The following CCSER1 variants were observed in gnomAD, a reference collection of about 807,000 sequenced individuals.
CCSER1 encodes coiled-coil serine rich protein 1.
A neutral mutation model predicts 82.0 loss-of-function variants in CCSER1; 41 were observed. The observed-to-expected ratio is 0.50, with a 90% confidence interval of 0.39 to 0.65. The LOEUF (loss-of-function observed/expected upper bound fraction) is 0.65. Ranked by LOEUF, CCSER1 falls within the 30% of genes least tolerant of loss-of-function variation. The pLI, the probability that CCSER1 is intolerant of heterozygous loss-of-function variation, is 0.00. For synonymous variants in CCSER1, 414 were observed against 383.9 expected, an observed-to-expected ratio of 1.08 and a Z score of -0.92; for missense variants, 1,119 against 1,064.2, an observed-to-expected ratio of 1.05 and a Z score of -0.72.
chr4:91,089,330 T>G (rs181153277), intron 10 of CCSER1, among the ~76,000 whole-genome samples: 1 of 152,336 alleles, frequency 6.6e-6, no homozygotes, highest in African/African-American at 2.4e-5. Flanking sequence ...GAATTTTAAC[T>G]ATCAGGCTAA....
chr4:90,803,304 C>T (rs761527637), intron 7 of CCSER1, among the ~76,000 whole-genome samples: 15 of 152,080 alleles, frequency 9.9e-5, no homozygotes, highest in Non-Finnish European at 2.1e-4. Context: ...CAGTGGTTTG[C>T]TGCACCCATC....
chr4:90,231,124 AG>A (rs967904053), intron 1 of CCSER1, among the ~76,000 whole-genome samples: 21 of 152,252 alleles, frequency 1.4e-4, no homozygotes, highest in African/African-American at 5.1e-4. Flanking sequence ...TCATTTTATG[AG>A]GCCAGCATCA....
chr4:90,565,300 T>A (rs1466003291), intron 5 of CCSER1, among the ~76,000 whole-genome samples: 1 of 120,592 alleles, frequency 8.3e-6, no homozygotes, highest in East Asian at 2.5e-4. Flanking sequence ...TGTTTTCTTA[T>A]TTTCAGATAT....
Position 91,043,297 on chromosome 4 carries a change from A to G in CCSER1, c.2173-42653A>G, listed in dbSNP as rs997248216. Among the ~76,000 whole-genome samples, 19 of 152,208 alleles carry G rather than the reference A, an allele frequency of 1.2e-4. No individual in the cohort carries two copies. In the South Asian group the frequency reaches 3.5e-3, roughly 28 times the overall value. On this transcript the variant is annotated intron_variant, in intron 9 of 10. Coordinates refer to ENST00000509176, the MANE Select transcript of CCSER1 (RefSeq NM_001145065.2). Reference sequence around the variant, plus strand: ...TTAAAAATCAATAATAAAACTCCCCAAATTATTCTTTAGAAGGTTGAAAGT... The same window carrying G: ...TTAAAAATCAATAATAAAACTCCCCGAATTATTCTTTAGAAGGTTGAAAGT...
intron 10 of CCSER1, among the ~76,000 whole-genome samples, chr4:91,217,709 G>A (rs1384657851): frequency 1.3e-5 from 2 of 150,386 alleles, no homozygotes; most frequent in Non-Finnish European, 3.0e-5. Context: ...ACAGAGTGCC[G>A]ATTGGTGTAT....
intron 9 of CCSER1, among the ~76,000 whole-genome samples, chr4:90,930,286 G>A (rs1729571446): frequency 6.6e-6 from 1 of 151,962 alleles, no homozygotes; most frequent in Non-Finnish European, 1.5e-5. Context: ...AGAGTATCTA[G>A]TGTACTAAGT....
Position 90,755,431 on chromosome 4 carries a change from TAGTC to T in CCSER1, c.2010+31444_2010+31447del, listed in dbSNP as rs541105425. On this transcript the variant is annotated intron_variant, in intron 7 of 10. Transcript: ENST00000509176. ...CTAGCAGTGTCTTTTAACCAATAGT[TAGTC>T]AGTAAATACTTGCTAAATTTGGATT... Among the ~76,000 whole-genome samples the T allele has an allele frequency of 4.7e-4, 71 of 152,304 alleles. 1 individual carries two copies. In the East Asian group the frequency reaches 0.011, roughly 24 times the overall value.
intron 9 of CCSER1, among the ~76,000 whole-genome samples, chr4:91,032,280 A>G (rs1229245924): frequency 6.6e-6 from 1 of 152,168 alleles, no homozygotes; most frequent in Non-Finnish European, 1.5e-5. Context: ...GAATCAGATA[A>G]TCCTAGAATA....
intron 9 of CCSER1, among the ~76,000 whole-genome samples, chr4:90,931,821 A>G (rs191540465): frequency 2.0e-5 from 3 of 152,314 alleles, no homozygotes; most frequent in Admixed American, 1.3e-4. Flanking sequence ...TACTTGATTA[A>G]TGCTTTGGGA....
At chr4:90,598,052 T>C (rs1447340067) in intron 5 of CCSER1, among the ~76,000 whole-genome samples, 2 of 152,116 alleles carry the variant, frequency 1.3e-5, no homozygotes, top group African/African-American at 2.4e-5. Flanking sequence ...TGATCGACAC[T>C]TAGGTTGTTT....
intron 7 of CCSER1, among the ~76,000 whole-genome samples, chr4:90,739,293 G>A (rs1017640572): frequency 6.6e-6 from 1 of 152,198 alleles, no homozygotes; most frequent in African/African-American, 2.4e-5. Context: ...GGGGCCTCAG[G>A]TCTCTGCCTG....
chr4:90,208,823 G>A lies in CCSER1; in HGVS notation c.-42+80992G>A, dbSNP rs527497277. ...CCTATCTTGCTTCAGCTCGCCCTCC[G>A]TGGGCTGCACCCAGTTTCTAACCAG... On this transcript the variant is annotated intron_variant, in intron 1 of 10. Transcript: ENST00000509176. Among the ~76,000 whole-genome samples the A allele has an allele frequency of 2.6e-5, 4 of 152,086 alleles. No individual in the cohort carries two copies. The East Asian group carries it at 5.9e-4, about 22-fold the overall frequency.
chr4:90,194,816 AACACTT>A lies in CCSER1; in HGVS notation c.-42+66987_-42+66992del, dbSNP rs1736298859. On this transcript the variant is annotated intron_variant, in intron 1 of 10. Transcript: ENST00000509176. ...AAACCAAGAAGAAATTAAAAAGAAA[AACACTT>A]AAATAGCATAAGAGGAAGTAATGAG... Among the ~76,000 whole-genome samples, 3 of 152,050 alleles carry A rather than the reference AACACTT, an allele frequency of 2.0e-5. No individual in the cohort carries two copies. In the South Asian group the frequency reaches 6.2e-4, roughly 31 times the overall value.
At chr4:90,653,642 C>A (rs1036334922) in intron 6 of CCSER1, among the ~76,000 whole-genome samples, 14 of 152,070 alleles carry the variant, frequency 9.2e-5, no homozygotes, top group Non-Finnish European at 1.5e-4. Flanking sequence ...TCAGCCACCA[C>A]CATACCTATT....
At chr4:90,615,742 T>C (rs1420173401) in intron 5 of CCSER1, among the ~76,000 whole-genome samples, 1 of 151,842 alleles carries the variant, frequency 6.6e-6, no homozygotes, top group Admixed American at 6.6e-5. Flanking sequence ...ATTGTTGAAA[T>C]TACAACAAAA....
intron 9 of CCSER1, among the ~76,000 whole-genome samples, chr4:90,978,823 G>A (rs946911024): frequency 1.3e-4 from 20 of 151,732 alleles, no homozygotes; most frequent in African/African-American, 4.6e-4. Context: ...TAGAAAGCTT[G>A]TGTGATGAAG....
chr4:90,190,626 A>T (rs966176195), intron 1 of CCSER1, among the ~76,000 whole-genome samples: 3 of 152,110 alleles, frequency 2.0e-5, no homozygotes, highest in African/African-American at 7.2e-5. Flanking sequence ...AAGACAGGCT[A>T]TTCTTGGCCA....
intron 3 of CCSER1, among the ~76,000 whole-genome samples, chr4:90,381,867 T>A (rs1207457767): frequency 1.3e-5 from 2 of 152,116 alleles, no homozygotes; most frequent in East Asian, 3.8e-4. Flanking sequence ...TTTATATACC[T>A]TCAATAATTA....
chr4:90,865,378 G>A (rs35107986), intron 8 of CCSER1, among the ~76,000 whole-genome samples: 27,599 of 151,882 alleles, frequency 0.18, 2,803 homozygotes, highest in South Asian at 0.27. Context: ...TTAGTCAGAG[G>A]TGACCTTTTG....
Sources: allele counts gnomAD v4.1 joint callset (sites outside exome capture counted in the v4.1 genomes callset), GRCh38; gene constraint gnomAD v4.1.1; transcripts MANE v1.5; gene names NCBI Gene and HGNC (gene_info 2026-07-23, HGNC 2026-07-21).